ANKRD30B: variants seen among roughly 807,000 people sequenced by gnomAD.
ANKRD30B encodes the protein ankyrin repeat domain 30B.
Under a neutral mutation model 202.2 loss-of-function variants are expected in ANKRD30B, and 144 were observed. That is an observed-to-expected ratio of 0.71 (90% CI 0.62 to 0.82). The LOEUF is 0.82. ANKRD30B is among the 40% of genes least tolerant of loss of function. ANKRD30B has a pLI of 0.00. For synonymous variants in ANKRD30B, 508 were observed against 561.3 expected (o/e 0.91, Z 1.34); for missense variants, 1,487 against 1,669.1 (o/e 0.89, Z 1.90).
rs753271795 is a variant in ANKRD30B, at chr18:14,763,997, G to A, written c.1132G>A (p.Val378Ile). 2 of 1,588,568 alleles carry A rather than the reference G, an allele frequency of 1.3e-6. No homozygotes were observed. Among genetic ancestry groups the A allele is most frequent in the Non-Finnish European group, 1.7e-6 (2 of 1,170,176 alleles). Reference protein sequence around the residue: ...TSVKTECVAGVTPNKTEVLEK... With the variant: ...TSVKTECVAGITPNKTEVLEK... ...TGTAAAGACTGAATGCGTGGCAGGA[G>A]TAACACCTAATAAAACTGAAGTTTT... is the stretch of plus-strand genomic sequence containing the variant. The change falls in exon 7 of 44, where the codon GTA becomes ATA. Residue 378 changes from valine (V) to isoleucine (I), a missense_variant. Physicochemically the swap from Val to Ile is conservative, Grantham distance 29. Transcript: ENST00000690538.
chr18:14,927,439 A>G, the ANKRD30B span, among the ~76,000 whole-genome samples: 2 of 152,184 alleles, frequency 1.3e-5, no homozygotes, highest in African/African-American at 4.8e-5. Context: ...TCCTGCACAT[A>G]CTGAGCATTC....
chr18:14,753,262 C>T (rs192680985), intron 3 of ANKRD30B, among the ~76,000 whole-genome samples: 1 of 152,040 alleles, frequency 6.6e-6, no homozygotes, highest in East Asian at 1.9e-4. Context: ...ATATTCTTTC[C>T]TACCCAAGGT....
chr18:14,752,429 T>C, intron 1 of ANKRD30B, 137 bp from the exon 2 acceptor site: 1 of 625,046 alleles, frequency 1.6e-6, no homozygotes, highest in Non-Finnish European at 2.6e-6. Flanking sequence ...AATGTTGTAC[T>C]TTCTTCAGGA....
In ANKRD30B at chr18:14,803,830, A is replaced by G. The variant is rs1204805808; in HGVS notation, c.2284+6A>G. Reference sequence around the variant, plus strand: ...CTTAAGTGGAAAATTAGAAGGTAAGAACCATATTTTATTTAAAAAGTCATT... The same window carrying G: ...CTTAAGTGGAAAATTAGAAGGTAAGGACCATATTTTATTTAAAAAGTCATT... On this transcript the variant is annotated splice_donor_region_variant and intron_variant, in intron 24 of 43. Transcript: ENST00000690538. The G allele has an allele frequency of 6.3e-7, 1 of 1,575,224 alleles. No individual in the cohort carries two copies. Among genetic ancestry groups the G allele is most frequent in the East Asian group, 2.3e-5 (1 of 44,152 alleles).
intron 7 of ANKRD30B, among the ~76,000 whole-genome samples, chr18:14,766,089 T>C (rs550249863): frequency 3.8e-4 from 58 of 152,222 alleles, no homozygotes; most frequent in African/African-American, 1.3e-3. Flanking sequence ...TTAGTTATTA[T>C]TGAGTTTAAA....
At chr18:14,846,827 C>A (rs1373591460) in intron 39 of ANKRD30B, among the ~76,000 whole-genome samples, 8 of 151,302 alleles carry the variant, frequency 5.3e-5, no homozygotes, top group Non-Finnish European at 1.2e-4. Context: ...AAGTTTATTT[C>A]TTATAGGTGT....
chr18:14,928,031 T>C, the ANKRD30B span, among the ~76,000 whole-genome samples: 1 of 152,074 alleles, frequency 6.6e-6, no homozygotes, highest in South Asian at 2.1e-4. Flanking sequence ...GCAATGGTGC[T>C]ATCTCAGCTC....
At chr18:14,765,747 CTT>C (rs35586663) in intron 7 of ANKRD30B, among the ~76,000 whole-genome samples, 1 of 151,094 alleles carries the variant, frequency 6.6e-6, no homozygotes, top group African/African-American at 2.4e-5. Context: ...ATGCTATAGT[CTT>C]TTTTTTTGTC....
chr18:14,856,505 G>A (rs375475724), downstream of ANKRD30B, among the ~76,000 whole-genome samples: 10,997 of 137,852 alleles, frequency 0.08, 891 homozygotes, highest in South Asian at 0.16. Context: ...TGGGCGGCTG[G>A]GGAGAGGTGC....
chr18:14,756,928 G>A (rs1241390113), intron 4 of ANKRD30B, among the ~76,000 whole-genome samples: 2 of 152,016 alleles, frequency 1.3e-5, no homozygotes. Flanking sequence ...AGAAACAGGA[G>A]TTTAAAACCA....
At chr18:14,780,863 TGA>T (rs1003640979) in intron 11 of ANKRD30B, among the ~76,000 whole-genome samples, 2 of 151,036 alleles carry the variant, frequency 1.3e-5, no homozygotes, top group African/African-American at 4.9e-5. Flanking sequence ...ACAATTTGTT[TGA>T]GTAGTGTTTT....
chr18:14,866,784 C>T, the ANKRD30B span, among the ~76,000 whole-genome samples: 1 of 151,790 alleles, frequency 6.6e-6, no homozygotes, highest in African/African-American at 2.4e-5. Context: ...GGGGCAGGTT[C>T]ACTGCGCTAT....
the ANKRD30B span, among the ~76,000 whole-genome samples, chr18:14,860,369 C>CCCCA: frequency 8.9e-6 from 1 of 111,732 alleles, no homozygotes. Context: ...CAGAGGCGCT[C>CCCCA]CTCACTTCCC....
chr18:14,808,501 GC>G (rs1172801522), intron 24 of ANKRD30B, 49 bp from the exon 25 acceptor site: 1 of 1,345,944 alleles, frequency 7.4e-7, no homozygotes, highest in East Asian at 2.3e-5. Context: ...TGCTTGGTAG[GC>G]TTTGTCAGGC....
intron 8 of ANKRD30B, among the ~76,000 whole-genome samples, 199 bp downstream of exon 8, chr18:14,769,572 G>A (rs970104504): frequency 7.2e-5 from 11 of 152,180 alleles, no homozygotes; most frequent in African/African-American, 2.7e-4. Context: ...GGCAAATGTG[G>A]TTCAGAGAGG....
chr18:14,748,515 G>A lies in ANKRD30B; in HGVS notation c.96G>A (p.Gly32=). The A allele has an allele frequency of 6.4e-7, 1 of 1,552,206 alleles. No individual in the cohort carries two copies. The highest frequency in any genetic ancestry group is 8.7e-7 in the Non-Finnish European group (1 of 1,147,224). ...SERVYTEKDY[G]TIYFGDLGKI... ...GGGTCTACACTGAGAAGGACTACGG[G>A]ACCATCTACTTCGGGGATCTAGGGA... The change falls in exon 1 of 44, where the codon GGG becomes GGA. Residue 32 remains glycine (G), a synonymous_variant. Transcript: ENST00000690538.
chr18:14,938,090 T>A, the ANKRD30B span, among the ~76,000 whole-genome samples: 3 of 152,162 alleles, frequency 2.0e-5, no homozygotes, highest in Non-Finnish European at 4.4e-5. Flanking sequence ...TCTTCTGCCT[T>A]CACTCCTCTC....
intron 39 of ANKRD30B, among the ~76,000 whole-genome samples, chr18:14,843,906 T>C (rs1414540058): frequency 6.6e-6 from 1 of 152,244 alleles, no homozygotes; most frequent in Non-Finnish European, 1.5e-5. Context: ...TTGTGTCTTT[T>C]CATTGTTTAG....
At chr18:14,766,493 A>AAAAAGAAAGAAAAGAAAAGAAAAG (rs1916226984) in intron 7 of ANKRD30B, among the ~76,000 whole-genome samples, 2 of 84,998 alleles carry the variant, frequency 2.4e-5, no homozygotes, top group Admixed American at 1.4e-4. Context: ...AAAAAAAAAA[A>AAAAAGAAAGAAAAGAAAAGAAAAG]AAAAGAAAAG....
Sources: allele counts gnomAD v4.1 joint callset (sites outside exome capture counted in the v4.1 genomes callset), GRCh38; gene constraint gnomAD v4.1.1; transcripts MANE v1.5; gene names NCBI Gene and HGNC (gene_info 2026-07-23, HGNC 2026-07-21).